The following GRM2 variants were observed in gnomAD, a reference collection of about 807,000 sequenced individuals.
GRM2 encodes the protein glutamate metabotropic receptor 2.
Under a neutral mutation model 60.4 loss-of-function variants are expected in GRM2, and 35 were observed. The observed-to-expected ratio is 0.58, with a 90% CI of 0.44 to 0.77. The LOEUF is 0.77. GRM2 is among the 30% of genes least tolerant of loss of function. GRM2 has a pLI of 0.00. For synonymous variants in GRM2, 437 were observed against 484.1 expected (o/e 0.90, Z 1.28); for missense variants, 925 against 1,199.5 (o/e 0.77, Z 3.38).
At chr3:51,711,406 A>G in intron 2 of GRM2, 1 of 152,738 alleles carries the variant, frequency 6.5e-6, no homozygotes, top group Non-Finnish European at 1.5e-5. Flanking sequence ...TCATGCATTT[A>G]TCTCCAGAAG....
chr3:51,709,255 G>C lies in GRM2; in HGVS notation c.272G>C (p.Ser91Thr), dbSNP rs370930855. ...GVRLGAHILDSCSKDTHALEQ... is the reference protein window; with the variant it reads ...GVRLGAHILDTCSKDTHALEQ... ...CGCCTGGGTGCACACATCCTCGACA[G>C]TTGCTCCAAGGACACACATGCGCTG... The change falls in exon 2 of 6, where the codon AGT becomes ACT. Residue 91 changes from serine (S) to threonine (T), a missense_variant. By Grantham distance (58) the Ser-to-Thr change is moderately conservative. Transcript: ENST00000395052. 108 of 1,604,516 alleles carry C rather than the reference G, an allele frequency of 6.7e-5. 1 individual carries two copies. The highest frequency in any genetic ancestry group is 7.8e-5 in the Non-Finnish European group (91 of 1,173,378).
chr3:51,715,549 C>T lies in GRM2; in HGVS notation c.1776C>T (p.His592=). 6.2e-7 allele frequency: 1 copy of T among 1,613,936 alleles called. No individual in the cohort carries two copies. Among genetic ancestry groups the T allele is most frequent in the East Asian group, 2.2e-5 (1 of 44,892 alleles). Reference sequence around the variant, plus strand: ...TTGTGCTGGGTGTCTTTGTGCGGCACAATGCCACACCAGTGGTCAAGGCCT... The same window carrying T: ...TTGTGCTGGGTGTCTTTGTGCGGCATAATGCCACACCAGTGGTCAAGGCCT... The part of the protein sequence containing the change: ...TLFVLGVFVR[H]NATPVVKASG... Residue 592 remains histidine, a synonymous_variant, in exon 4 of 6, where the codon CAC becomes CAT. Coordinates refer to ENST00000395052, the MANE Select transcript of GRM2 (RefSeq NM_000839.5). This position sits in a 1 kb window ranked among gnomAD's most constrained non-coding sequence, Gnocchi z 9.0.
Position 51,717,562 on chromosome 3 carries a change from C to A in GRM2, c.2365-75C>A, listed in dbSNP as rs1382716360. 1.2e-5 allele frequency: 15 copies of A among 1,220,762 alleles called. No individual in the cohort carries two copies. The highest frequency in any genetic ancestry group is 4.7e-5 in the East Asian group (2 of 42,652). 75.6% of individuals were successfully genotyped at this position (1,220,762 alleles called of 1,614,324 possible). ...GCTTAGTCTCCCCCACTCCCTCCCC[C>A]ACAGATCAGGCAGGGGGTCCTGGGG... On this transcript the variant is annotated intron_variant, in intron 4 of 5. Coordinates refer to ENST00000395052, the MANE Select transcript of GRM2 (RefSeq NM_000839.5). This position sits in a 1 kb window ranked among gnomAD's most constrained non-coding sequence, Gnocchi z 6.0.
Position 51,708,872 on chromosome 3 carries a change from T to C in GRM2, c.-112T>C. ...GGAGCTGGGTCCCTTCGCATCTCTC[T>C]TCTTGTCTGTCCTTTCCTGGTCCCT... On this transcript the variant is annotated 5_prime_UTR_variant, in exon 2 of 6. Transcript: ENST00000395052. The C allele has an allele frequency of 2.5e-6, 2 of 793,832 alleles. No individual in the cohort carries two copies. Among genetic ancestry groups the C allele is most frequent in the Non-Finnish European group, 1.9e-6 (1 of 516,760 alleles). The allele number at this position is 793,832 out of a possible 1,614,324, so 49.2% of individuals were successfully genotyped here.
In GRM2 at chr3:51,715,377, T is replaced by C. The variant is rs374519341; in HGVS notation, c.1604T>C (p.Phe535Ser). The change falls in exon 4 of 6, where the codon TTC becomes TCC. Residue 535 changes from phenylalanine (F) to serine (S), a missense_variant. Transcript: ENST00000395052. This position sits in a 1 kb window ranked among gnomAD's most constrained non-coding sequence, Gnocchi z 9.0. ...CCCTATGAGTACCGATTGGACGAAT[T>C]CACTTGCGCTGATTGTGGCCTGGGC... ...CQPYEYRLDE[F>S]TCADCGLGYW... 2.7e-5 allele frequency: 44 copies of C among 1,613,588 alleles called. No homozygotes were observed. The Admixed American group carries it at 7.2e-4, about 26-fold the overall frequency.
Position 51,710,241 on chromosome 3 carries a change from G to A in GRM2, c.450+808G>A, listed in dbSNP as rs896663737. On this transcript the variant is annotated intron_variant, in intron 2 of 5. Transcript: ENST00000395052. ...ACTCCCGACTTCAGGTGATCCACCC[G>A]CCTCGGCCTCCCAAAGTGCTGGGAT... 2.6e-4 allele frequency among the ~76,000 whole-genome samples: 39 copies of A among 152,058 alleles called. 1 individual carries two copies. The highest frequency in any genetic ancestry group is 2.6e-3 in the Admixed American group (39 of 15,256).
rs534825087 is a variant in GRM2 at position 51,713,043 on chromosome 3, C to T, written c.1021C>T (p.Arg341Trp). Residue 341 changes from arginine (R) to tryptophan (W), a missense_variant, in exon 3 of 6, where the codon CGG becomes TGG. Transcript: ENST00000395052. The surrounding 1 kb of genome is among the most constrained non-coding windows in gnomAD (Gnocchi z 4.8). ...GAGCCTGGACCCTTGGAACAACAGC[C>T]GGAACCCCTGGTTCCGTGAATTCTG... Reference protein sequence around the residue: ...FQSLDPWNNSRNPWFREFWEQ... With the variant: ...FQSLDPWNNSWNPWFREFWEQ... 60 of 1,613,270 alleles carry T rather than the reference C, an allele frequency of 3.7e-5. 1 individual carries two copies. The highest frequency in any genetic ancestry group is 3.3e-4 in the South Asian group (30 of 91,084).
In GRM2 at chr3:51,715,351, G is replaced by T. The variant is rs1703855337; in HGVS notation, c.1578G>T (p.Gln526His). Residue 526 changes from glutamine (Q) to histidine (H), a missense_variant, in exon 4 of 6, where the codon CAG (glutamine) becomes CAT (histidine). Physicochemically the swap from Gln to His is conservative, Grantham distance 24. Coordinates refer to ENST00000395052, the MANE Select transcript of GRM2 (RefSeq NM_000839.5). The surrounding 1 kb of genome is among the most constrained non-coding windows in gnomAD (Gnocchi z 9.0). ...GCTGCTGGCTCTGCATTCCGTGCCA[G>T]CCCTATGAGTACCGATTGGACGAAT... is the stretch of plus-strand genomic sequence containing the variant. ...EVCCWLCIPC[Q>H]PYEYRLDEFT... is the part of the protein sequence containing the mutation. The T allele has an allele frequency of 6.2e-7, 1 of 1,613,700 alleles. No individual in the cohort carries two copies. The highest frequency in any genetic ancestry group is 1.1e-5 in the South Asian group (1 of 91,074).
Position 51,713,456 on chromosome 3 carries a change from T to TGCTA in GRM2, c.1288+148_1288+151dup, listed in dbSNP as rs1703797156. ...GGTGGCGTCAGAGCAAGGGCAAGGA[T>TGCTA]GCTAGGCAGAGAGGACTCCAACTGA... On this transcript the variant is annotated intron_variant, in intron 3 of 5. Coordinates refer to ENST00000395052, the MANE Select transcript of GRM2 (RefSeq NM_000839.5). This position sits in a 1 kb window ranked among gnomAD's most constrained non-coding sequence, Gnocchi z 4.8. The TGCTA allele has an allele frequency of 1.6e-6, 1 of 633,664 alleles. No homozygotes were observed. The highest frequency in any genetic ancestry group is 2.8e-6 in the Non-Finnish European group (1 of 363,578). 39.3% of individuals were successfully genotyped at this position (633,664 alleles called of 1,614,324 possible).
Position 51,716,641 on chromosome 3 carries a change from G to A in GRM2, c.2364+504G>A, listed in dbSNP as rs1028343950. Among the ~76,000 whole-genome samples, 1 of 152,208 alleles carries A rather than the reference G, an allele frequency of 6.6e-6. No homozygotes were observed. Among genetic ancestry groups the A allele is most frequent in the Non-Finnish European group, 1.5e-5 (1 of 68,040 alleles). ...TCTCAATGGGTCTCCCCAGCTCCAA[G>A]GGGCAATGGCTGCTTCAGATAGGGT... On this transcript the variant is annotated intron_variant, in intron 4 of 5. Transcript: ENST00000395052. This position sits in a 1 kb window ranked among gnomAD's most constrained non-coding sequence, Gnocchi z 4.0.
chr3:51,709,830 GACAC>G (rs780322630), intron 2 of GRM2, among the ~76,000 whole-genome samples: 2 of 7,470 alleles, frequency 2.7e-4, no homozygotes, highest in South Asian at 4.5e-3. Flanking sequence ...CACACACCCA[GACAC>G]ACACACCCTC....
Position 51,715,981 on chromosome 3 carries a change from G to A in GRM2, c.2208G>A (p.Val736=). Residue 736 remains valine, a synonymous_variant, in exon 4 of 6, where the codon GTG becomes GTA. Coordinates refer to ENST00000395052, the MANE Select transcript of GRM2 (RefSeq NM_000839.5). This position sits in a 1 kb window ranked among gnomAD's most constrained non-coding sequence, Gnocchi z 9.0. The part of the protein sequence containing the change: ...ASMLGSLAYN[V]LLIALCTLYA... Reference sequence around the variant, plus strand: ...TGTTGGGCTCGCTGGCCTACAATGTGCTCCTCATCGCGCTCTGCACGCTTT... The same window carrying A: ...TGTTGGGCTCGCTGGCCTACAATGTACTCCTCATCGCGCTCTGCACGCTTT... 6.2e-7 allele frequency: 1 copy of A among 1,614,178 alleles called. No individual in the cohort carries two copies.
chr3:51,714,987 G>C, intron 3 of GRM2, 75 bp from the exon 4 acceptor site: 3 of 913,634 alleles, frequency 3.3e-6, no homozygotes. Flanking sequence ...TGGGTTCCAT[G>C]TTAGGGTGAA....
chr3:51,709,639 T>C (rs2107087974), intron 2 of GRM2, among the ~76,000 whole-genome samples: 1 of 141,160 alleles, frequency 7.1e-6, no homozygotes, highest in South Asian at 2.3e-4. Context: ...AACATCTTAC[T>C]CTCATTACTC....
In GRM2 at chr3:51,717,562, C is replaced by G. The variant is rs1382716360; in HGVS notation, c.2365-75C>G. The G allele has an allele frequency of 5.7e-6, 7 of 1,220,646 alleles. No individual in the cohort carries two copies. The highest frequency in any genetic ancestry group is 7.1e-6 in the Non-Finnish European group (6 of 845,830). The allele number at this position is 1,220,646 out of a possible 1,614,324, so 75.6% of individuals were successfully genotyped here. On this transcript the variant is annotated intron_variant, in intron 4 of 5. Transcript: ENST00000395052. The surrounding 1 kb of genome is among the most constrained non-coding windows in gnomAD (Gnocchi z 6.0). ...GCTTAGTCTCCCCCACTCCCTCCCC[C>G]ACAGATCAGGCAGGGGGTCCTGGGG...
chr3:51,710,418 A>G (rs753415191), intron 2 of GRM2, among the ~76,000 whole-genome samples: 1 of 152,198 alleles, frequency 6.6e-6, no homozygotes, highest in Non-Finnish European at 1.5e-5. Flanking sequence ...TTTTTAACCC[A>G]TTTTATAGAT....
In GRM2 at chr3:51,709,151, C is replaced by A. The variant is rs765886757; in HGVS notation, c.168C>A (p.His56Gln). The A allele has an allele frequency of 6.2e-7, 1 of 1,612,502 alleles. No homozygotes were observed. Among genetic ancestry groups the A allele is most frequent in the Non-Finnish European group, 8.5e-7 (1 of 1,179,630 alleles). The change falls in exon 2 of 6, where the codon CAC becomes CAA. Residue 56 changes from histidine (H) to glutamine (Q), a missense_variant. Transcript: ENST00000395052. ...AGGACTGTGGTCCTGTCAATGAGCA[C>A]CGTGGCATCCAGCGCCTGGAGGCCA... Reference protein sequence around the residue: ...PAEDCGPVNEHRGIQRLEAML... With the variant: ...PAEDCGPVNEQRGIQRLEAML...
rs773129443 is a variant in GRM2, at chr3:51,715,083, C to CCCA, written c.1312_1314dup (p.His438dup). 6.4e-7 allele frequency: 1 copy of CCCA among 1,562,206 alleles called. No homozygotes were observed. Among genetic ancestry groups the CCCA allele is most frequent in the Non-Finnish European group, 8.7e-7 (1 of 1,149,942 alleles). On this transcript the variant is annotated inframe_insertion, in exon 4 of 6. Transcript: ENST00000395052. This position sits in a 1 kb window ranked among gnomAD's most constrained non-coding sequence, Gnocchi z 9.0. Reference sequence around the variant, plus strand: ...CTAGCCCCCTTTCGCCCAGCTGACACCCACAATGAGGTCCGCTTTGACCGC... The same window carrying CCCA: ...CTAGCCCCCTTTCGCCCAGCTGACACCCACCACAATGAGGTCCGCTTTGACCGC...
intron 2 of GRM2, among the ~76,000 whole-genome samples, chr3:51,709,661 C>CCCAT (rs1703622557): frequency 1.1e-5 from 1 of 88,054 alleles, no homozygotes; most frequent in East Asian, 2.6e-4. Context: ...CACACACACA[C>CCCAT]ACACCCTCAC....
Sources: gnomAD v4.1 joint callset for allele counts (sites outside exome capture counted in the v4.1 genomes callset) on GRCh38, gnomAD v4.1.1 for gene constraint, Gnocchi (gnomAD v3.1) non-coding constraint, MANE v1.5 for transcripts, NCBI Gene and HGNC (gene_info 2026-07-23, HGNC 2026-07-21) for gene names.